The following CNGB3 variants were observed in gnomAD, a reference collection of about 807,000 sequenced individuals.
The protein encoded by CNGB3 is cyclic nucleotide-gated channel beta-3.
CNGB3 carries 86 observed loss-of-function variants against 92.8 expected under a neutral mutation model. The observed-to-expected ratio is 0.93, with a 90% CI of 0.78 to 1.11. The LOEUF is 1.11. CNGB3 is among the 50% of genes least tolerant of loss of function. The pLI, the probability that CNGB3 is intolerant of heterozygous loss-of-function variation, is 0.00. For missense variants in CNGB3, 1,026 were observed against 956.8 expected, an observed-to-expected ratio of 1.07 and a Z score of -0.95; for synonymous variants, 333 against 332.7, an observed-to-expected ratio of 1.00 and a Z score of -0.01.
At chr8:86,607,036 C>A (rs944882967) in intron 14 of CNGB3, among the ~76,000 whole-genome samples, 1 of 152,086 alleles carries the variant, frequency 6.6e-6, no homozygotes, top group African/African-American at 2.4e-5. Context: ...TTATTCTTTG[C>A]GTGAAGTAAT....
chr8:86,739,619 A>AGTTTTTTTTTTTTTTTTTTTTTT, intron 2 of CNGB3, 36 bp downstream of exon 2: 1 of 1,386,292 alleles, frequency 7.2e-7, no homozygotes, highest in Non-Finnish European at 9.8e-7. Context: ...TTCACTTTTT[A>AGTTTTTTTTTTTTTTTTTTTTTT]GTTTTTTTTT....
chr8:86,726,357 C>T (rs960343522), intron 3 of CNGB3, among the ~76,000 whole-genome samples, 174 bp downstream of exon 3: 3 of 152,110 alleles, frequency 2.0e-5, no homozygotes, highest in Admixed American at 6.6e-5. Flanking sequence ...CAGTGAGGTA[C>T]GATGAACTGG....
intron 6 of CNGB3, chr8:86,661,374 AT>A: frequency 2.4e-6 from 1 of 413,992 alleles, no homozygotes; most frequent in Admixed American, 3.1e-5. Flanking sequence ...GATAAAAATC[AT>A]GTAAGAGTTA....
At chr8:86,638,281 G>C (rs1563736232) in intron 10 of CNGB3, among the ~76,000 whole-genome samples, 1 of 152,050 alleles carries the variant, frequency 6.6e-6, no homozygotes, top group Non-Finnish European at 1.5e-5. Flanking sequence ...GTGTTTAGTT[G>C]TAAAATAAAC....
chr8:86,659,860 G>A lies in CNGB3; in HGVS notation c.853-5798C>T, dbSNP rs1823598738. 1.7e-5 allele frequency: 7 copies of A among 423,158 alleles called. 1 individual carries two copies. The highest frequency in any genetic ancestry group is 1.3e-4 in the South Asian group (7 of 52,016). The allele number at this position is 423,158 out of a possible 1,614,324, so 26.2% of individuals were successfully genotyped here. On this transcript the variant is annotated intron_variant, in intron 6 of 17. Transcript: ENST00000320005. ...TTTTGTTGTTTCTCCAGATCCTTCAGGTTAGCAGATGATGCAGGGCCCTCC... is the reference window on the plus strand; with the variant it reads ...TTTTGTTGTTTCTCCAGATCCTTCAAGTTAGCAGATGATGCAGGGCCCTCC...
intron 3 of CNGB3, among the ~76,000 whole-genome samples, chr8:86,695,025 G>A (rs529433901): frequency 5.6e-4 from 85 of 152,324 alleles, no homozygotes; most frequent in African/African-American, 1.8e-3. Flanking sequence ...CTGAGTGAAC[G>A]AGACTCCGTC....
In CNGB3 at chr8:86,594,163, G is replaced by T. The variant is rs866304726; in HGVS notation, c.1781+9930C>A. ...GGGGACAGCATCCAACGGGGAATGT[G>T]TCTCCAACGATCACCCACTGGGGCT... On this transcript the variant is annotated intron_variant, in intron 15 of 17. Transcript: ENST00000320005. 2.9e-5 allele frequency: 8 copies of T among 279,360 alleles called. No homozygotes were observed. The Middle Eastern group carries it at 7.2e-3, about 253-fold the overall frequency. The allele number at this position is 279,360 out of a possible 1,614,324, so 17.3% of individuals were successfully genotyped here.
At chr8:86,694,348 G>A (rs1218551700) in intron 3 of CNGB3, among the ~76,000 whole-genome samples, 7 of 150,540 alleles carry the variant, frequency 4.6e-5, no homozygotes, top group Admixed American at 2.6e-4. Flanking sequence ...GGCCGGGCGG[G>A]GGGCTGACCC....
chr8:86,577,980 G>T (rs151097099), intron 17 of CNGB3, among the ~76,000 whole-genome samples: 2 of 152,026 alleles, frequency 1.3e-5, no homozygotes, highest in African/African-American at 4.8e-5. Flanking sequence ...TGTGATCTCG[G>T]CTCACTACAA....
intron 15 of CNGB3, among the ~76,000 whole-genome samples, chr8:86,589,101 T>G: frequency 6.6e-6 from 1 of 151,886 alleles, no homozygotes; most frequent in African/African-American, 2.4e-5. Flanking sequence ...ATCCATTTCT[T>G]CTAGATTTTC....
At chr8:86,664,490 A>T (rs1337364454) in intron 6 of CNGB3, among the ~76,000 whole-genome samples, 1 of 152,196 alleles carries the variant, frequency 6.6e-6, no homozygotes, top group African/African-American at 2.4e-5. Flanking sequence ...CATTGGCCAC[A>T]GTTGGAAAGG....
intron 3 of CNGB3, among the ~76,000 whole-genome samples, chr8:86,686,302 C>A (rs1824187060): frequency 6.6e-6 from 1 of 151,940 alleles, no homozygotes; most frequent in African/African-American, 2.4e-5. Flanking sequence ...ATCATATGGG[C>A]ATGGTTAATG....
At chr8:86,705,007 T>C (rs184596074) in intron 3 of CNGB3, among the ~76,000 whole-genome samples, 18 of 152,256 alleles carry the variant, frequency 1.2e-4, no homozygotes, top group African/African-American at 4.3e-4. Flanking sequence ...AGAGGGCTGA[T>C]TGGCACGAAA....
chr8:86,720,871 CACACACACACACAA>C (rs1824959653), intron 3 of CNGB3, among the ~76,000 whole-genome samples: 1 of 128,328 alleles, frequency 7.8e-6, no homozygotes, highest in Non-Finnish European at 1.7e-5. Flanking sequence ...CACACACACA[CACACACACACACAA>C]TGGAATACTA....
rs1039114842 is a variant in CNGB3, at chr8:86,575,714, C to T, written c.*90G>A. 3 of 1,180,584 alleles carry T rather than the reference C, an allele frequency of 2.5e-6. No homozygotes were observed. Among genetic ancestry groups the T allele is most frequent in the African/African-American group, 1.5e-5 (1 of 65,742 alleles). The allele number at this position is 1,180,584 out of a possible 1,614,324, so 73.1% of individuals were successfully genotyped here. ...GCCTTTCGTTTCTCAAGGGTCCCAG[C>T]ATGTCGTTTCCCCTCGTTAATTTAA... On this transcript the variant is annotated 3_prime_UTR_variant, in exon 18 of 18. Coordinates refer to ENST00000320005, the MANE Select transcript of CNGB3 (RefSeq NM_019098.5).
intron 15 of CNGB3, among the ~76,000 whole-genome samples, chr8:86,587,154 C>T (rs1305894887): frequency 6.9e-6 from 1 of 144,726 alleles, no homozygotes. Context: ...AGTGTCTGTT[C>T]ATGTCCTTTG....
Position 86,682,305 on chromosome 8 carries a change from G to T in CNGB3, c.339-11207C>A, listed in dbSNP as rs555733837. 9.2e-5 allele frequency among the ~76,000 whole-genome samples: 14 copies of T among 152,234 alleles called. 1 individual carries two copies. The South Asian group carries it at 2.3e-3, about 25-fold the overall frequency. On this transcript the variant is annotated intron_variant, in intron 3 of 17. Transcript: ENST00000320005. ...ACTGCATGACAGAAGGAAACACCTA[G>T]AGAAAAATAAGTCCTGATTTCCTGC...
intron 13 of CNGB3, among the ~76,000 whole-genome samples, chr8:86,613,395 T>G (rs1293964574): frequency 6.6e-6 from 1 of 152,218 alleles, no homozygotes; most frequent in Non-Finnish European, 1.5e-5. Context: ...ATAATTTCAC[T>G]TCAGAAATTG....
intron 12 of CNGB3, 96 bp from the exon 13 acceptor site, chr8:86,626,176 A>T: frequency 2.3e-6 from 2 of 875,412 alleles, no homozygotes; most frequent in Non-Finnish European, 3.8e-6. Context: ...TAAAGGAAAC[A>T]AAATGCAAAC....
Sources: gnomAD v4.1 joint callset for allele counts (sites outside exome capture counted in the v4.1 genomes callset) on GRCh38, gnomAD v4.1.1 for gene constraint, MANE v1.5 for transcripts, NCBI Gene and HGNC (gene_info 2026-07-23, HGNC 2026-07-21) for gene names.